The following CCDC171 variants were observed in gnomAD, a reference collection of about 807,000 sequenced individuals.
CCDC171 encodes the protein coiled-coil domain-containing protein 171.
Under a neutral mutation model 168.2 loss-of-function variants are expected in CCDC171, and 177 were observed. That is an observed-to-expected ratio of 1.05 (90% CI 0.93 to 1.19). CCDC171 has a LOEUF of 1.19. CCDC171 is among the 50% of genes most tolerant of loss of function. The pLI is 0.00. For missense variants in CCDC171, 1,991 were observed against 1,539.0 expected, an observed-to-expected ratio of 1.29 and a Z score of -4.91; for synonymous variants, 687 against 540.8, an observed-to-expected ratio of 1.27 and a Z score of -3.75.
rs368853808 is a variant in CCDC171, at chr9:15,777,807, G to A, written c.2879G>A (p.Arg960His). 195 of 1,609,402 alleles carry A rather than the reference G, an allele frequency of 1.2e-4. 1 individual carries two copies. Among genetic ancestry groups the A allele is most frequent in the South Asian group, 5.7e-4 (51 of 89,856 alleles). ...ACACTGGCCCTGAAATATGGTTTGC[G>A]TGGCCATGTGCCCATTACGGTATGT... ...VNTLALKYGL[R>H]GHVPITKSTA... Residue 960 changes from arginine (R) to histidine (H), a missense_variant, in exon 19 of 26, where the codon CGT becomes CAT. Coordinates refer to ENST00000380701, the MANE Select transcript of CCDC171 (RefSeq NM_173550.4).
Position 15,777,668 on chromosome 9 carries a change from G to T in CCDC171, c.2740G>T (p.Asp914Tyr), listed in dbSNP as rs779197082. 2 of 1,613,976 alleles carry T rather than the reference G, an allele frequency of 1.2e-6. No individual in the cohort carries two copies. Among genetic ancestry groups the T allele is most frequent in the South Asian group, 2.2e-5 (2 of 91,040 alleles). ...AAKNSFAKLMDKISLVMECIP... is the reference protein window; with the variant it reads ...AAKNSFAKLMYKISLVMECIP... ...CAAGAATTCTTTTGCAAAACTCATG[G>T]ATAAAATTAGTCTGGTAATGGAATG... Residue 914 changes from aspartate to tyrosine, a missense_variant, in exon 19 of 26, where the codon GAT becomes TAT. By Grantham distance (160) the Asp-to-Tyr change is radical. Transcript: ENST00000380701.
intron 21 of CCDC171, among the ~76,000 whole-genome samples, chr9:15,803,901 G>T (rs2058949805): frequency 6.6e-6 from 1 of 151,434 alleles, no homozygotes; most frequent in Non-Finnish European, 1.5e-5. Context: ...CTGTGAGCAT[G>T]GAATGTCTTT....
intron 18 of CCDC171, among the ~76,000 whole-genome samples, chr9:15,765,037 G>C (rs796737425): frequency 6.6e-6 from 1 of 152,170 alleles, no homozygotes; most frequent in Non-Finnish European, 1.5e-5. Flanking sequence ...GCCAAATAAA[G>C]TGTTTTACAA....
At chr9:15,674,359 C>T (rs1333994747) in intron 9 of CCDC171, among the ~76,000 whole-genome samples, 1 of 152,104 alleles carries the variant, frequency 6.6e-6, no homozygotes, top group Non-Finnish European at 1.5e-5. Flanking sequence ...TCTCTATCTC[C>T]TTCAGTTCTG....
chr9:15,924,440 C>CAAA (rs34003715), intron 25 of CCDC171, among the ~76,000 whole-genome samples: 1,793 of 140,416 alleles, frequency 0.013, 31 homozygotes, highest in African/African-American at 0.036. Context: ...CACACTTAGT[C>CAAA]AAAAAAAAAA....
At chr9:15,559,888 T>G (rs1176836955) in intron 1 of CCDC171, among the ~76,000 whole-genome samples, 1 of 152,170 alleles carries the variant, frequency 6.6e-6, no homozygotes. Flanking sequence ...CCTTTCCATG[T>G]TTAGTGCTTC....
rs751558158 is a variant in CCDC171, at chr9:15,623,337, C to T, written c.746C>T (p.Ser249Phe). ...EKLETEHMDCSDLLRRQTSEL... is the reference protein window; with the variant it reads ...EKLETEHMDCFDLLRRQTSEL... ...TTAGAAACAGAACATATGGACTGCT[C>T]TGACCTTTTACGGCGACAAACAAGT... Residue 249 changes from serine to phenylalanine, a missense_variant, in exon 7 of 26, where the codon TCT (serine) becomes TTT (phenylalanine). Transcript: ENST00000380701. The T allele has an allele frequency of 1.9e-6, 3 of 1,611,726 alleles. No homozygotes were observed. Among genetic ancestry groups the T allele is most frequent in the Non-Finnish European group, 2.5e-6 (3 of 1,178,530 alleles).
chr9:15,620,936 A>T (rs2044452841), intron 6 of CCDC171, among the ~76,000 whole-genome samples: 1 of 147,982 alleles, frequency 6.8e-6, no homozygotes, highest in Admixed American at 6.8e-5. Context: ...GATGGTTAGC[A>T]TTTTTTTTTT....
At chr9:15,647,540 C>T (rs1276659782) in intron 7 of CCDC171, among the ~76,000 whole-genome samples, 9 of 151,878 alleles carry the variant, frequency 5.9e-5, no homozygotes, top group Non-Finnish European at 1.2e-4. Context: ...ATCAAATAGA[C>T]ACAATAAAAA....
At chr9:15,976,961 C>T (rs16933843), downstream of CCDC171, among the ~76,000 whole-genome samples, 11,728 of 151,970 alleles carry the variant, frequency 0.077, 1,480 homozygotes, top group African/African-American at 0.27. Context: ...AAACCTAGAG[C>T]GTTAAATATT....
chr9:15,865,857 T>C (rs980234452), intron 23 of CCDC171, among the ~76,000 whole-genome samples: 1 of 151,164 alleles, frequency 6.6e-6, no homozygotes, highest in African/African-American at 2.4e-5. Context: ...TGCGTGTGTG[T>C]GTGTGTGTGT....
At chr9:15,736,410 G>A (rs370487934) in intron 16 of CCDC171, among the ~76,000 whole-genome samples, 1 of 151,450 alleles carries the variant, frequency 6.6e-6, no homozygotes, top group Non-Finnish European at 1.5e-5. Context: ...GAGGTCAGTC[G>A]TGCGATCATA....
intron 4 of CCDC171, among the ~76,000 whole-genome samples, chr9:15,579,464 T>G (rs1326266725): frequency 6.6e-6 from 1 of 152,144 alleles, no homozygotes; most frequent in Admixed American, 6.5e-5. Context: ...TGGGCTAGAG[T>G]GTGGTGCCTG....
At chr9:15,789,391 T>A (rs534789201) in intron 21 of CCDC171, among the ~76,000 whole-genome samples, 27 of 152,288 alleles carry the variant, frequency 1.8e-4, no homozygotes, top group Non-Finnish European at 3.5e-4. Flanking sequence ...AAGCTTTGGG[T>A]TCCACCAGCA....
intron 11 of CCDC171, among the ~76,000 whole-genome samples, chr9:15,710,299 C>G (rs936196004): frequency 2.0e-5 from 3 of 149,994 alleles, no homozygotes; most frequent in African/African-American, 7.3e-5. Context: ...CCTCTTCTGT[C>G]TCTCTCTCTC....
At chr9:16,003,230 C>T (rs1832606870) in intron 3 of CCDC171, among the ~76,000 whole-genome samples, 1 of 152,190 alleles carries the variant, frequency 6.6e-6, no homozygotes, top group East Asian at 1.9e-4. Flanking sequence ...AGTCATATAT[C>T]CTCTTGGTGT....
chr9:16,040,631 C>T (rs1833557482), upstream of CCDC171, among the ~76,000 whole-genome samples: 2 of 152,238 alleles, frequency 1.3e-5, 1 homozygote, highest in South Asian at 4.1e-4. Flanking sequence ...TCTGTCCGAG[C>T]AGAGGGTTAA....
At chr9:16,092,953 C>T in the CCDC171 span, among the ~76,000 whole-genome samples, 6 of 152,198 alleles carry the variant, frequency 3.9e-5, no homozygotes, top group East Asian at 7.7e-4. Context: ...GGGTGGTCCT[C>T]GTGCTGGCAG....
At chr9:15,898,327 G>A (rs577478306) in intron 24 of CCDC171, among the ~76,000 whole-genome samples, 2 of 152,266 alleles carry the variant, frequency 1.3e-5, no homozygotes, top group African/African-American at 4.8e-5. Flanking sequence ...GTGGAGAATT[G>A]AGCTGAGTGC....
Sources: allele counts gnomAD v4.1 joint callset (sites outside exome capture counted in the v4.1 genomes callset), GRCh38; gene constraint gnomAD v4.1.1; transcripts MANE v1.5; gene names NCBI Gene and HGNC (gene_info 2026-07-23, HGNC 2026-07-21).